The following NHSL2 variants were observed in gnomAD, a reference collection of about 807,000 sequenced individuals.
NHSL2 encodes NHS like 2.
Under a neutral mutation model 53.4 loss-of-function variants are expected in NHSL2, and 27 were observed. The observed-to-expected ratio is 0.51, with a 90% confidence interval of 0.37 to 0.70. The LOEUF (loss-of-function observed/expected upper bound fraction) is 0.70, where lower values mean the gene tolerates loss of function less well. Among genes scored for constraint, NHSL2 ranks in the 30% least tolerant of loss-of-function variants. The pLI is 0.00. For missense variants in NHSL2, 892 were observed against 980.1 expected (o/e 0.91, Z 1.20); for synonymous variants, 408 against 404.1 (o/e 1.01, Z -0.12).
At chrX:72,073,399 C>T (rs1283332084) in intron 1 of NHSL2, among the ~76,000 whole-genome samples, 2 of 111,746 alleles carry the variant, frequency 1.8e-5, no homozygotes, top group Non-Finnish European at 3.8e-5. Context: ...TCTCACCTTT[C>T]GCCTATTGAG....
At chrX:72,064,829 C>T (rs1181224334) in intron 1 of NHSL2, among the ~76,000 whole-genome samples, 1 of 112,063 alleles carries the variant, frequency 8.9e-6, no homozygotes, top group Non-Finnish European at 1.9e-5. Context: ...GAACTGGGTG[C>T]TCCTGGCTGG....
At chrX:71,967,475 G>T (rs1208860116) in intron 1 of NHSL2, among the ~76,000 whole-genome samples, 1 of 110,773 alleles carries the variant, frequency 9.0e-6, no homozygotes, top group Non-Finnish European at 1.9e-5. Context: ...CTCAAATTTT[G>T]ATATATTTTC....
At chrX:72,091,167 CAGTT>C (rs768069978) in intron 1 of NHSL2, among the ~76,000 whole-genome samples, 1 of 112,095 alleles carries the variant, frequency 8.9e-6, no homozygotes, top group South Asian at 3.6e-4. Context: ...AAATTTTTGA[CAGTT>C]AGCCGGGCGC....
intron 1 of NHSL2, among the ~76,000 whole-genome samples, chrX:71,952,895 T>G (rs956212652): frequency 8.9e-6 from 1 of 111,783 alleles, no homozygotes; most frequent in African/African-American, 3.3e-5. Flanking sequence ...ATCAGGAAAT[T>G]TGTCAAATAC....
At chrX:72,016,677 AACAC>A (rs1244811330) in intron 1 of NHSL2, among the ~76,000 whole-genome samples, 1 of 108,900 alleles carries the variant, frequency 9.2e-6, no homozygotes, top group Non-Finnish European at 1.9e-5. Flanking sequence ...CACACACACA[AACAC>A]ACACACAGAG....
chrX:72,035,728 T>G (rs1213632027), intron 1 of NHSL2, among the ~76,000 whole-genome samples: 1 of 111,632 alleles, frequency 9.0e-6, no homozygotes, highest in East Asian at 2.8e-4. Flanking sequence ...AAAGAAAAAA[T>G]CTATTGTATT....
chrX:72,130,073 C>G lies in NHSL2; in HGVS notation c.281-2006C>G, dbSNP rs200189694. ...GGTGATGCACCCAGGAAGTTTTCGG[C>G]GTGGTAACCACTTGTGGGGCCAGAA... is the stretch of plus-strand genomic sequence containing the variant. On this transcript the variant is annotated intron_variant, in intron 1 of 7. Transcript: ENST00000633930. 121 of 1,208,928 alleles carry G rather than the reference C, an allele frequency of 1.0e-4. No homozygotes were observed. In the Middle Eastern group the frequency reaches 1.1e-3, roughly 11 times the overall value.
chrX:72,030,891 C>T (rs370038629), intron 1 of NHSL2, among the ~76,000 whole-genome samples: 2 of 111,897 alleles, frequency 1.8e-5, no homozygotes, highest in East Asian at 5.6e-4. Flanking sequence ...ACCCAACTAC[C>T]CAATGCAGGT....
intron 1 of NHSL2, among the ~76,000 whole-genome samples, chrX:72,077,736 G>A (rs772344356): frequency 5.6e-4 from 63 of 112,648 alleles, no homozygotes; most frequent in Non-Finnish European, 1.0e-3. Context: ...AGAGGGATCC[G>A]GGGTGAGATG....
intron 1 of NHSL2, chrX:72,131,045 A>G: frequency 8.3e-7 from 1 of 1,210,898 alleles, no homozygotes; most frequent in Non-Finnish European, 1.1e-6. Context: ...TGCATCAGGA[A>G]TTCAGCCAGG....
At chrX:71,980,593 T>C (rs200373271) in intron 1 of NHSL2, among the ~76,000 whole-genome samples, 7,267 of 96,155 alleles carry the variant, frequency 0.076, 242 homozygotes, top group East Asian at 0.32. Flanking sequence ...TGTGTGTGTG[T>C]GTGTGTGTGT....
intron 1 of NHSL2, among the ~76,000 whole-genome samples, chrX:72,101,422 G>A (rs985130319): frequency 1.8e-5 from 2 of 110,499 alleles, no homozygotes; most frequent in African/African-American, 6.6e-5. Flanking sequence ...GAAGCATTTG[G>A]ACTCCACAGC....
intron 1 of NHSL2, among the ~76,000 whole-genome samples, chrX:72,105,816 C>T (rs1225607319): frequency 1.8e-5 from 2 of 112,452 alleles, no homozygotes; most frequent in African/African-American, 3.2e-5. Context: ...TCGATTTTGA[C>T]GTTCATGTCC....
intron 1 of NHSL2, among the ~76,000 whole-genome samples, chrX:72,113,668 T>C (rs2042111807): frequency 8.9e-6 from 1 of 112,485 alleles, no homozygotes. Context: ...ACCTGCAAAG[T>C]GGCCTGGACC....
chrX:71,948,559 C>T (rs1335294969), intron 1 of NHSL2, among the ~76,000 whole-genome samples: 3 of 111,429 alleles, frequency 2.7e-5, no homozygotes, highest in Admixed American at 9.5e-5. Context: ...AGGCCAGGCA[C>T]GGTGGCTCAC....
At chrX:72,110,510 C>A (rs2042082357) in intron 1 of NHSL2, among the ~76,000 whole-genome samples, 1 of 109,885 alleles carries the variant, frequency 9.1e-6, no homozygotes, top group Non-Finnish European at 1.9e-5. Context: ...CAGATAGAAT[C>A]ATTTACTATG....
At chrX:72,109,713 C>T (rs750767233) in intron 1 of NHSL2, among the ~76,000 whole-genome samples, 2 of 110,899 alleles carry the variant, frequency 1.8e-5, no homozygotes, top group South Asian at 3.8e-4. Flanking sequence ...ATGATCCGCC[C>T]GCCTCAGCCT....
At chrX:72,004,444 C>A (rs1202656217) in intron 1 of NHSL2, among the ~76,000 whole-genome samples, 1 of 111,864 alleles carries the variant, frequency 8.9e-6, no homozygotes, top group Admixed American at 9.4e-5. Flanking sequence ...GGCTCAGCGG[C>A]TGCACATTCC....
intron 1 of NHSL2, among the ~76,000 whole-genome samples, chrX:71,943,387 C>G (rs1005727297): frequency 1.8e-5 from 2 of 112,688 alleles, no homozygotes; most frequent in Non-Finnish European, 3.7e-5. Flanking sequence ...GATTGGTTTT[C>G]CACTGAGTAT....
Sources: gnomAD v4.1 joint callset for allele counts (sites outside exome capture counted in the v4.1 genomes callset) on GRCh38, gnomAD v4.1.1 for gene constraint, MANE v1.5 for transcripts, NCBI Gene and HGNC (gene_info 2026-07-23, HGNC 2026-07-21) for gene names.